The following PLD1 variants were observed in gnomAD, a reference collection of about 807,000 sequenced individuals.
PLD1 encodes the protein phospholipase D1, also known as choline phosphatase 1.
In PLD1, 112 loss-of-function variants were observed where a neutral mutation model predicts 137.1. That is an observed-to-expected ratio of 0.82 (90% CI 0.70 to 0.96). PLD1 has a LOEUF of 0.96. Ranked by LOEUF, PLD1 falls within the 40% of genes least tolerant of loss-of-function variation. The pLI is 0.00. For missense variants in PLD1, 1,321 were observed against 1,342.0 expected (o/e 0.98, Z 0.24); for synonymous variants, 431 against 454.7 (o/e 0.95, Z 0.66).
chr3:171,610,328 T>C (rs563780533), intron 25 of PLD1, among the ~76,000 whole-genome samples: 2 of 152,326 alleles, frequency 1.3e-5, no homozygotes, highest in African/African-American at 4.8e-5. Context: ...TGTAACATTG[T>C]TTAAATAATA....
chr3:171,738,230 T>A (rs1719521578), intron 1 of PLD1, 148 bp from the exon 2 acceptor site: 1 of 427,734 alleles, frequency 2.3e-6, no homozygotes, highest in Non-Finnish European at 4.1e-6. Context: ...AACCTTTTAG[T>A]TTACGTTCCT....
chr3:171,646,028 A>G (rs1483591570), intron 21 of PLD1, among the ~76,000 whole-genome samples: 2 of 152,204 alleles, frequency 1.3e-5, no homozygotes, highest in East Asian at 1.9e-4. Flanking sequence ...ACTCAATGAT[A>G]TAACAATAGA....
At chr3:171,798,484 A>T (rs932535074) in intron 1 of PLD1, among the ~76,000 whole-genome samples, 1 of 152,214 alleles carries the variant, frequency 6.6e-6, no homozygotes, top group African/African-American at 2.4e-5. Flanking sequence ...AATATCAAGT[A>T]AATTGAGAAA....
At chr3:171,670,178 T>C (rs952883321) in intron 19 of PLD1, among the ~76,000 whole-genome samples, 4 of 3,678 alleles carry the variant, frequency 1.1e-3, no homozygotes, top group Admixed American at 3.4e-3. Flanking sequence ...GGTTAATGGG[T>C]ACAAACATAG....
At position 171,632,069 on chromosome 3, in the gene PLD1, T is replaced by C. The variant is rs150950161; in HGVS notation, c.2593+10771A>G. Among the ~76,000 whole-genome samples the C allele has an allele frequency of 9.2e-3, 1,393 of 152,218 alleles. 20 individuals carry two copies. Among genetic ancestry groups the C allele is most frequent in the African/African-American group, 0.032 (1,309 of 41,534 alleles). ...GGCAGACACCACCTTCACTAAGTGATCAAAGTTAATATAACCAGTAAGGTT... is the reference window on the plus strand; with the variant it reads ...GGCAGACACCACCTTCACTAAGTGACCAAAGTTAATATAACCAGTAAGGTT... On this transcript the variant is annotated intron_variant, in intron 23 of 26. Transcript: ENST00000351298.
chr3:171,671,389 CT>C (rs775438912), intron 19 of PLD1, among the ~76,000 whole-genome samples: 1 of 152,194 alleles, frequency 6.6e-6, no homozygotes, highest in Non-Finnish European at 1.5e-5. Context: ...ACTAAACTAT[CT>C]TTAACTTTTT....
At position 171,713,945 on chromosome 3, in the gene PLD1, C is replaced by T; in HGVS notation, c.859G>A (p.Gly287Arg). ...TATTTCGTTTCTGTCTCCTTCTTCC[C>T]CACCTTAATTTTGAATTCTTTGTCT... The part of the protein sequence containing the change: ...LVDKEFKIKV[G>R]KKETETKYGI... Residue 287 changes from glycine to arginine, a missense_variant, in exon 9 of 27, where the codon GGG (glycine) becomes AGG (arginine). Physicochemically the swap from Gly to Arg is moderately radical, Grantham distance 125. Coordinates refer to ENST00000351298, the MANE Select transcript of PLD1 (RefSeq NM_002662.5). 3 of 1,612,872 alleles carry T rather than the reference C, an allele frequency of 1.9e-6. No homozygotes were observed. The highest frequency in any genetic ancestry group is 2.5e-6 in the Non-Finnish European group (3 of 1,178,944).
chr3:171,649,390 T>A (rs773040194), intron 21 of PLD1, among the ~76,000 whole-genome samples: 1 of 152,208 alleles, frequency 6.6e-6, no homozygotes, highest in South Asian at 2.1e-4. Context: ...AAAAAAGGGC[T>A]CTGGAATTTC....
intron 1 of PLD1, among the ~76,000 whole-genome samples, chr3:171,763,992 G>A (rs1189789420): frequency 6.6e-6 from 1 of 151,928 alleles, no homozygotes; most frequent in Non-Finnish European, 1.5e-5. Flanking sequence ...ACCAACCTAG[G>A]AGAAATGGAA....
Position 171,612,892 on chromosome 3 carries a change from G to T in PLD1, c.2729-460C>A, listed in dbSNP as rs543168760. ...AATGCTAAGTAGAAAAAAGAGCCAG[G>T]CATGGTGGCTCATGTCTGTAATCCC... On this transcript the variant is annotated intron_variant, in intron 24 of 26. Transcript: ENST00000351298. The surrounding 1 kb of genome is among the most constrained non-coding windows in gnomAD (Gnocchi z 4.1). Among the ~76,000 whole-genome samples the T allele has an allele frequency of 6.6e-6, 1 of 152,168 alleles. No homozygotes were observed. Among genetic ancestry groups the T allele is most frequent in the Non-Finnish European group, 1.5e-5 (1 of 68,026 alleles).
chr3:171,794,773 A>T (rs1723362018), intron 1 of PLD1, among the ~76,000 whole-genome samples: 1 of 152,192 alleles, frequency 6.6e-6, no homozygotes, highest in Non-Finnish European at 1.5e-5. Flanking sequence ...TTCACTTTCA[A>T]ATTATACAAT....
intron 6 of PLD1, 75 bp from the exon 7 acceptor site, chr3:171,726,151 T>A: frequency 1.1e-6 from 1 of 928,270 alleles, no homozygotes; most frequent in Non-Finnish European, 1.8e-6. Context: ...ATGTATTAGG[T>A]ATAGCTGTGT....
intron 25 of PLD1, among the ~76,000 whole-genome samples, chr3:171,609,565 C>T (rs1328123370): frequency 6.8e-6 from 1 of 147,258 alleles, no homozygotes; most frequent in Non-Finnish European, 1.5e-5. Flanking sequence ...CCAGAGAAAA[C>T]TACTCAGCCA....
chr3:171,677,811 G>GAATGGACAGATGCCACCCTA, intron 16 of PLD1, 117 bp from the exon 17 acceptor site: 1 of 995,826 alleles, frequency 1.0e-6, no homozygotes, highest in Non-Finnish European at 1.5e-6. Context: ...GACACAACTA[G>GAATGGACAGATGCCACCCTA]GGTGGCATCT....
intron 20 of PLD1, among the ~76,000 whole-genome samples, chr3:171,659,962 T>C (rs1180457558): frequency 1.3e-5 from 2 of 152,222 alleles, no homozygotes; most frequent in Admixed American, 6.5e-5. Context: ...TTTAAAACTG[T>C]TACTAGAAAA....
At chr3:171,670,584 A>G (rs768380001) in intron 19 of PLD1, among the ~76,000 whole-genome samples, 8 of 152,206 alleles carry the variant, frequency 5.3e-5, no homozygotes, top group Non-Finnish European at 7.4e-5. Flanking sequence ...GGTTTTCAGG[A>G]CCAGAGGAAT....
intron 1 of PLD1, among the ~76,000 whole-genome samples, chr3:171,803,629 A>T (rs553766710): frequency 6.6e-6 from 1 of 152,290 alleles, no homozygotes; most frequent in Non-Finnish European, 1.5e-5. Flanking sequence ...GCTACTTGGG[A>T]GGCTGAGGCA....
chr3:171,750,551 C>T (rs992591521), intron 1 of PLD1, among the ~76,000 whole-genome samples: 19 of 152,092 alleles, frequency 1.2e-4, no homozygotes, highest in South Asian at 1.2e-3. Context: ...AGAAGTTCAG[C>T]GGATCCCAAA....
At chr3:171,659,853 C>G (rs1737522246) in intron 20 of PLD1, among the ~76,000 whole-genome samples, 1 of 152,138 alleles carries the variant, frequency 6.6e-6, no homozygotes, top group African/African-American at 2.4e-5. Context: ...GTAGCCTCAA[C>G]TCTCTTTTGT....
Sources: allele counts gnomAD v4.1 joint callset (sites outside exome capture counted in the v4.1 genomes callset), GRCh38; gene constraint gnomAD v4.1.1; non-coding constraint Gnocchi (gnomAD v3.1); transcripts MANE v1.5; gene names NCBI Gene and HGNC (gene_info 2026-07-23, HGNC 2026-07-21).